Variants in OPRD1 observed in about 807,000 individuals in gnomAD.
OPRD1 encodes delta-type opioid receptor.
In OPRD1, 19 loss-of-function variants were observed where a neutral mutation model predicts 17.5. The observed-to-expected ratio is 1.09, with a 90% CI of 0.76 to 1.60. OPRD1 has a LOEUF of 1.60. OPRD1 is among the 40% of genes most tolerant of loss of function. The pLI is 0.00. For missense variants in OPRD1, 483 were observed against 547.2 expected, an observed-to-expected ratio of 0.88 and a Z score of 1.17; for synonymous variants, 256 against 240.9, an observed-to-expected ratio of 1.06 and a Z score of -0.58.
At chr1:28,849,910 C>T (rs1371465361) in intron 1 of OPRD1, among the ~76,000 whole-genome samples, 3 of 139,794 alleles carry the variant, frequency 2.1e-5, no homozygotes, top group East Asian at 2.1e-4. Flanking sequence ...GACGGAGTCT[C>T]GCTCTGTCGC....
intron 1 of OPRD1, among the ~76,000 whole-genome samples, 153 bp from the exon 2 acceptor site, chr1:28,858,801 C>T (rs112411290): frequency 0.096 from 14,678 of 152,178 alleles, 1,132 homozygotes; most frequent in East Asian, 0.44. Context: ...CCGCCTTGGC[C>T]TCCAAAAGTG....
At chr1:28,819,499 C>T (rs2088694722) in intron 1 of OPRD1, among the ~76,000 whole-genome samples, 1 of 152,144 alleles carries the variant, frequency 6.6e-6, no homozygotes, top group Non-Finnish European at 1.5e-5. Flanking sequence ...TCACTGAGAA[C>T]ACTGAAAAGC....
chr1:28,845,789 G>A (rs1341454895), intron 1 of OPRD1, among the ~76,000 whole-genome samples: 4 of 120,280 alleles, frequency 3.3e-5, no homozygotes, highest in African/African-American at 1.0e-4. Context: ...ACAACCTTTT[G>A]TAACAGAAAA....
chr1:28,852,210 T>TGGGGA (rs1332961507), intron 1 of OPRD1, among the ~76,000 whole-genome samples: 2 of 128,274 alleles, frequency 1.6e-5, no homozygotes, highest in African/African-American at 5.9e-5. Context: ...GAAAAGAAAG[T>TGGGGA]GGGGAGGAAA....
intron 1 of OPRD1, among the ~76,000 whole-genome samples, chr1:28,851,501 G>A (rs994747856): frequency 6.6e-6 from 1 of 152,240 alleles, no homozygotes; most frequent in African/African-American, 2.4e-5. Context: ...AGACTTGCAA[G>A]CCAAGAAACG....
At chr1:28,820,896 T>C (rs1210780596) in intron 1 of OPRD1, among the ~76,000 whole-genome samples, 4 of 151,966 alleles carry the variant, frequency 2.6e-5, no homozygotes, top group African/African-American at 9.6e-5. Context: ...CCACCGCATC[T>C]GGCCTGAGAC....
chr1:28,849,759 C>T (rs1230321145), intron 1 of OPRD1, among the ~76,000 whole-genome samples: 2 of 151,546 alleles, frequency 1.3e-5, no homozygotes, highest in Non-Finnish European at 1.5e-5. Flanking sequence ...TTAGCATCCT[C>T]GGAGAGTTAA....
At chr1:28,823,356 C>T (rs979692890) in intron 1 of OPRD1, among the ~76,000 whole-genome samples, 8 of 145,426 alleles carry the variant, frequency 5.5e-5, no homozygotes, top group African/African-American at 2.0e-4. Flanking sequence ...ACCACTACAC[C>T]CGGCTATTCT....
intron 1 of OPRD1, 53 bp from the exon 2 acceptor site, chr1:28,858,901 G>T (rs976396298): frequency 2.4e-5 from 36 of 1,519,770 alleles, no homozygotes; most frequent in Middle Eastern, 3.4e-4. Context: ...TGAGTTTCAT[G>T]TGAAACTGAA....
At chr1:28,854,596 C>T (rs2089037837) in intron 1 of OPRD1, among the ~76,000 whole-genome samples, 1 of 151,900 alleles carries the variant, frequency 6.6e-6, no homozygotes, top group African/African-American at 2.4e-5. Flanking sequence ...CGCAGTGTCC[C>T]TGTGCGAGCT....
chr1:28,860,819 G>T (rs1453689735), intron 2 of OPRD1, among the ~76,000 whole-genome samples: 11 of 152,130 alleles, frequency 7.2e-5, no homozygotes, highest in Non-Finnish European at 1.3e-4. Context: ...GGGTGGGAGA[G>T]AACAAGCTTC....
At chr1:28,820,980 A>G (rs2088708666) in intron 1 of OPRD1, among the ~76,000 whole-genome samples, 1 of 152,150 alleles carries the variant, frequency 6.6e-6, no homozygotes, top group Non-Finnish European at 1.5e-5. Context: ...ATGTGGAGAA[A>G]TTTAAGCAGA....
chr1:28,845,458 G>A (rs1439269500), intron 1 of OPRD1, among the ~76,000 whole-genome samples: 15 of 145,278 alleles, frequency 1.0e-4, no homozygotes, highest in Non-Finnish European at 1.9e-4. Flanking sequence ...CAGCCTGGGC[G>A]ACAGAGTGAG....
At chr1:28,824,816 T>C (rs1390610063) in intron 1 of OPRD1, among the ~76,000 whole-genome samples, 1 of 152,040 alleles carries the variant, frequency 6.6e-6, no homozygotes, top group Non-Finnish European at 1.5e-5. Context: ...AGAAGAGTGT[T>C]GTTCTGAACC....
Position 28,840,852 on chromosome 1 carries a change from C to T in OPRD1, c.228-18102C>T, listed in dbSNP as rs149332922. On this transcript the variant is annotated intron_variant, in intron 1 of 2. Coordinates refer to ENST00000234961, the MANE Select transcript of OPRD1 (RefSeq NM_000911.4). ...CAGGAGAATCGCTTGAACTGGGAGA[C>T]GGAGGTTGCAGTGAGCTGAGATCAC... Among the ~76,000 whole-genome samples, 351 of 152,060 alleles carry T rather than the reference C, an allele frequency of 2.3e-3. 3 individuals are homozygous for T. The highest frequency in any genetic ancestry group is 8.3e-3 in the African/African-American group (342 of 41,446).
At chr1:28,822,652 T>C (rs2088726208) in intron 1 of OPRD1, among the ~76,000 whole-genome samples, 1 of 151,468 alleles carries the variant, frequency 6.6e-6, no homozygotes, top group African/African-American at 2.4e-5. Context: ...CGGTTAATTT[T>C]TTTTTTTTTG....
At chr1:28,824,840 C>CT (rs1003693582) in intron 1 of OPRD1, among the ~76,000 whole-genome samples, 51 of 151,344 alleles carry the variant, frequency 3.4e-4, no homozygotes, top group South Asian at 2.5e-3. Flanking sequence ...AGCCCACACT[C>CT]TTTTTTTTTG....
chr1:28,837,185 T>G (rs923247531), intron 1 of OPRD1, among the ~76,000 whole-genome samples: 1 of 152,164 alleles, frequency 6.6e-6, no homozygotes, highest in African/African-American at 2.4e-5. Context: ...GCATATGTAG[T>G]TCACAGTAGG....
intron 1 of OPRD1, among the ~76,000 whole-genome samples, chr1:28,855,878 T>C (rs2089052170): frequency 6.6e-6 from 1 of 152,096 alleles, no homozygotes; most frequent in Non-Finnish European, 1.5e-5. Flanking sequence ...ACTTTTTCCT[T>C]CTCCAGCCCC....
Sources: allele counts gnomAD v4.1 joint callset (sites outside exome capture counted in the v4.1 genomes callset), GRCh38; gene constraint gnomAD v4.1.1; transcripts MANE v1.5; gene names NCBI Gene and HGNC (gene_info 2026-07-23, HGNC 2026-07-21).